The following UNC79 variants were observed in gnomAD, a reference collection of about 807,000 sequenced individuals.
The protein encoded by UNC79 is protein unc-79 homolog.
Under a neutral mutation model 283.1 loss-of-function variants are expected in UNC79, and 37 were observed. The ratio of observed to expected loss-of-function variants is 0.13; its 90% CI spans 0.10 to 0.17. The LOEUF (loss-of-function observed/expected upper bound fraction) is 0.17. UNC79 is among the 10% of genes least tolerant of loss of function. The pLI, the probability that UNC79 is intolerant of heterozygous loss-of-function variation, is 1.00. For synonymous variants in UNC79, 1,107 were observed against 1,200.2 expected (o/e 0.92, Z 1.61); for missense variants, 2,272 against 3,211.1 (o/e 0.71, Z 7.07).
intron 1 of UNC79, among the ~76,000 whole-genome samples, chr14:93,416,110 G>A: frequency 7.0e-6 from 1 of 142,762 alleles, no homozygotes; most frequent in Admixed American, 7.1e-5. Context: ...TAATTGTGAT[G>A]TTAGGGTGTC....
At chr14:93,695,454 C>A (rs2075023869) in intron 47 of UNC79, among the ~76,000 whole-genome samples, 1 of 152,136 alleles carries the variant, frequency 6.6e-6, no homozygotes, top group Non-Finnish European at 1.5e-5. Context: ...TTGATAATAG[C>A]AAAAGTCAAC....
intron 22 of UNC79, among the ~76,000 whole-genome samples, chr14:93,588,342 A>G (rs1026486601): frequency 2.0e-5 from 3 of 152,222 alleles, no homozygotes; most frequent in Non-Finnish European, 4.4e-5. Flanking sequence ...CTGAATATAA[A>G]CACACAATGC....
intron 7 of UNC79, among the ~76,000 whole-genome samples, chr14:93,498,565 C>T (rs1317726768): frequency 4.6e-5 from 7 of 151,714 alleles, no homozygotes; most frequent in East Asian, 2.0e-4. Context: ...CATTCCAGCC[C>T]GGGTGACAGA....
chr14:93,573,631 T>C (rs1470733460), intron 16 of UNC79, among the ~76,000 whole-genome samples: 1 of 152,222 alleles, frequency 6.6e-6, no homozygotes, highest in Non-Finnish European at 1.5e-5. Flanking sequence ...CCATAAGCTC[T>C]TCAAGTTGTA....
chr14:93,689,482 A>G (rs972402732), intron 44 of UNC79: 2 of 146,104 alleles, frequency 1.4e-5, no homozygotes, highest in Non-Finnish European at 2.9e-5. Flanking sequence ...CCAGAGAAGA[A>G]ATTTCTTTTT....
chr14:93,385,264 CA>C (rs1178932526), intron 1 of UNC79, among the ~76,000 whole-genome samples: 25 of 152,212 alleles, frequency 1.6e-4, no homozygotes, highest in African/African-American at 5.1e-4. Context: ...TTGGGTAGTA[CA>C]GACATTTTAA....
intron 20 of UNC79, 131 bp downstream of exon 20, chr14:93,582,475 G>A: frequency 3.9e-6 from 5 of 1,286,632 alleles, no homozygotes; most frequent in Non-Finnish European, 5.2e-6. Context: ...TCGTGCAGAG[G>A]AACATCTCCC....
At chr14:93,400,245 GA>G (rs2140026500) in intron 1 of UNC79, among the ~76,000 whole-genome samples, 1 of 152,272 alleles carries the variant, frequency 6.6e-6, no homozygotes, top group Non-Finnish European at 1.5e-5. Context: ...TGGTATTTGA[GA>G]GGTTTAATAC....
At chr14:93,631,088 G>T (rs999395400) in intron 31 of UNC79, among the ~76,000 whole-genome samples, 180 bp downstream of exon 33, 1 of 152,022 alleles carries the variant, frequency 6.6e-6, no homozygotes. Flanking sequence ...GCCCACTTTC[G>T]TCCGTATCTC....
chr14:93,357,928 T>TATATATGG, intron 1 of UNC79, among the ~76,000 whole-genome samples: 1 of 46,466 alleles, frequency 2.2e-5, no homozygotes, highest in East Asian at 3.1e-4. Flanking sequence ...TATATATAGA[T>TATATATGG]ATATATGGAT....
exon 19 of UNC79, chr14:93,580,271 C>T (rs755475428): frequency 4.2e-5 from 67 of 1,614,024 alleles, no homozygotes; most frequent in East Asian, 2.2e-5. Context: ...GCCAGAAGGA[C>T]GAAAAAGCAA....
chr14:93,347,814 G>T (rs61991745), intron 1 of UNC79, among the ~76,000 whole-genome samples: 1 of 151,812 alleles, frequency 6.6e-6, no homozygotes, highest in Non-Finnish European at 1.5e-5. Context: ...GAGTGCGAAG[G>T]TTGGAACCGG....
At position 93,570,165 on chromosome 14, in the gene UNC79, T is replaced by C. The variant is rs752718467; in HGVS notation, c.1756-1729T>C. On this transcript the variant is annotated intron_variant, in intron 14 of 48. Transcript: ENST00000555664. ...GGTCTCACTGTGCTGCTCAGGCTGG[T>C]CTTGAACTCCTGGCCTCAGGCGATC... is the stretch of plus-strand genomic sequence containing the variant. 5.6e-4 allele frequency among the ~76,000 whole-genome samples: 85 copies of C among 152,250 alleles called. 3 individuals are homozygous for C. Among genetic ancestry groups the C allele is most frequent in the East Asian group, 1.7e-3 (9 of 5,176 alleles).
intron 48 of UNC79, among the ~76,000 whole-genome samples, chr14:93,705,855 C>T (rs768043221): frequency 3.3e-5 from 5 of 152,134 alleles, no homozygotes; most frequent in Admixed American, 6.5e-5. Flanking sequence ...GGAAGGAAAG[C>T]GGTATGAACT....
At chr14:93,662,691 T>C (rs1353148052) in exon 40 of UNC79, 1 of 1,610,596 alleles carries the variant, frequency 6.2e-7, no homozygotes, top group Non-Finnish European at 8.5e-7. Context: ...GCTGTGTGGC[T>C]TATGTTACCG....
chr14:93,577,816 C>G (rs904478811), intron 17 of UNC79, 26 bp from the exon 18 acceptor site: 1 of 1,609,134 alleles, frequency 6.2e-7, no homozygotes, highest in Admixed American at 1.7e-5. Flanking sequence ...GAGTTCATTT[C>G]TATGTGTTGC....
chr14:93,655,051 C>T (rs571798926), intron 37 of UNC79, among the ~76,000 whole-genome samples, 183 bp from the exon 41 acceptor site: 1 of 152,284 alleles, frequency 6.6e-6, no homozygotes, highest in African/African-American at 2.4e-5. Flanking sequence ...AATTTTCCCC[C>T]TTAAGTTTGT....
chr14:93,543,215 T>C (rs971516849), intron 14 of UNC79, among the ~76,000 whole-genome samples: 1 of 151,602 alleles, frequency 6.6e-6, no homozygotes, highest in Non-Finnish European at 1.5e-5. Context: ...TATATATATA[T>C]ACAGGTTAAT....
At chr14:93,569,097 TG>T (rs2063069157) in intron 14 of UNC79, among the ~76,000 whole-genome samples, 1 of 152,238 alleles carries the variant, frequency 6.6e-6, no homozygotes, top group African/African-American at 2.4e-5. Flanking sequence ...GCCTCAATTC[TG>T]GGGTCTAAAG....
Sources: gnomAD v4.1 joint callset for allele counts (sites outside exome capture counted in the v4.1 genomes callset) on GRCh38, gnomAD v4.1.1 for gene constraint, MANE v1.5 for transcripts, NCBI Gene and HGNC (gene_info 2026-07-23, HGNC 2026-07-21) for gene names.